The following EGFR variants were observed in gnomAD, a reference collection of about 807,000 sequenced individuals.
The protein encoded by EGFR is avian erythroblastic leukemia viral (v-erb-b) oncogene homolog.
A neutral mutation model predicts 143.0 loss-of-function variants in EGFR; 58 were observed. The ratio of observed to expected loss-of-function variants is 0.41; its 90% CI spans 0.33 to 0.50. EGFR has a LOEUF of 0.50. EGFR is among the 20% of genes least tolerant of loss of function. The pLI, the probability that EGFR is intolerant of heterozygous loss-of-function variation, is 0.39. For synonymous variants in EGFR, 613 were observed against 594.4 expected (o/e 1.03, Z -0.45); for missense variants, 1,307 against 1,579.0 (o/e 0.83, Z 2.92).
At chr7:55,187,112 A>G (rs845562) in intron 20 of EGFR, among the ~76,000 whole-genome samples, 130,482 of 152,182 alleles carry the variant, frequency 0.86, 56,298 homozygotes, top group African/African-American at 0.91. Flanking sequence ...CAGGGAGGAA[A>G]CCACCAGATA....
At position 55,192,643 on chromosome 7, in the gene EGFR, G is replaced by T. The variant is rs144690952; in HGVS notation, c.2626-123G>T. On this transcript the variant is annotated intron_variant, in intron 21 of 27. Transcript: ENST00000275493. ...GGAGGAGGCGCCGGGCCTGGGGGAC[G>T]GGTCCTGGGGTGATCTGGCTCGTCT... 6.9e-6 allele frequency: 6 copies of T among 866,326 alleles called. No homozygotes were observed. The Admixed American group carries it at 9.7e-5, about 14-fold the overall frequency. The allele number at this position is 866,326 out of a possible 1,614,324, so 53.7% of individuals were successfully genotyped here.
At chr7:55,125,398 T>C (rs1793464304) in intron 1 of EGFR, among the ~76,000 whole-genome samples, 1 of 138,622 alleles carries the variant, frequency 7.2e-6, no homozygotes. Flanking sequence ...TATGGCTAAC[T>C]CCATTTATCT....
At position 55,205,884 on chromosome 7, in the gene EGFR, A is replaced by C. The variant is rs1788089798; in HGVS notation, c.*267A>C. 1 of 527,704 alleles carries C rather than the reference A, an allele frequency of 1.9e-6. No homozygotes were observed. The highest frequency in any genetic ancestry group is 2.3e-5 in the South Asian group (1 of 42,676). 32.7% of individuals were successfully genotyped at this position (527,704 alleles called of 1,614,324 possible). On this transcript the variant is annotated 3_prime_UTR_variant, in exon 28 of 28. Coordinates refer to ENST00000275493, the MANE Select transcript of EGFR (RefSeq NM_005228.5). The stretch of plus-strand genomic sequence containing the variant: ...CCCTTTGAGCAGAAATTTATCTTTC[A>C]AAGAGGTATATTTGAAAAAAAAAAA...
At chr7:55,041,403 T>C (rs1787891847) in intron 1 of EGFR, among the ~76,000 whole-genome samples, 1 of 151,392 alleles carries the variant, frequency 6.6e-6, no homozygotes, top group South Asian at 2.1e-4. Context: ...AGAGCGACAC[T>C]CCATCGCAAA....
rs981079494 is a variant in EGFR at position 55,171,340 on chromosome 7, C to G, written c.1919+127C>G. Reference sequence around the variant, plus strand: ...TCAAGTTTCTATGGCTCTGGGCCAGCCTACCCTCAGCCAGGGTTTCTGCAG... The same window carrying G: ...TCAAGTTTCTATGGCTCTGGGCCAGGCTACCCTCAGCCAGGGTTTCTGCAG... On this transcript the variant is annotated intron_variant, in intron 16 of 27. Transcript: ENST00000275493. The G allele has an allele frequency of 4.4e-6, 6 of 1,349,600 alleles. No homozygotes were observed. The Admixed American group carries it at 9.1e-5, about 20-fold the overall frequency. 83.6% of individuals were successfully genotyped at this position (1,349,600 alleles called of 1,614,324 possible).
chr7:55,132,820 C>T (rs561657049), intron 1 of EGFR, among the ~76,000 whole-genome samples: 14 of 152,262 alleles, frequency 9.2e-5, no homozygotes, highest in Admixed American at 3.9e-4. Flanking sequence ...GCTACCTTCG[C>T]GCTACTTTAC....
chr7:55,073,948 C>T (rs959957771), intron 1 of EGFR, among the ~76,000 whole-genome samples: 1 of 152,228 alleles, frequency 6.6e-6, no homozygotes, highest in Non-Finnish European at 1.5e-5. Context: ...CATCTCTTCA[C>T]CTTTAGAATT....
chr7:55,019,239 T>C lies in EGFR; in HGVS notation c.-39T>C, dbSNP rs1301179514. The stretch of plus-strand genomic sequence containing the variant: ...ACGGCCCCCTGACTCCGTCCAGTAT[T>C]GATCGGGAGAGCCGGAGCGAGCTCT... On this transcript the variant is annotated 5_prime_UTR_variant, in exon 1 of 28. Coordinates refer to ENST00000275493, the MANE Select transcript of EGFR (RefSeq NM_005228.5). 1 of 1,442,524 alleles carries C rather than the reference T, an allele frequency of 6.9e-7. No homozygotes were observed. The highest frequency in any genetic ancestry group is 3.1e-5 in the East Asian group (1 of 32,638). 89.4% of individuals were successfully genotyped at this position (1,442,524 alleles called of 1,614,324 possible).
At chr7:55,177,062 C>T (rs981712326) in intron 19 of EGFR, among the ~76,000 whole-genome samples, 1 of 151,900 alleles carries the variant, frequency 6.6e-6, no homozygotes, top group African/African-American at 2.4e-5. Context: ...ATTTTATTTC[C>T]TTGCCCCATG....
At chr7:55,074,445 T>C (rs1327000763) in intron 1 of EGFR, among the ~76,000 whole-genome samples, 3 of 152,258 alleles carry the variant, frequency 2.0e-5, no homozygotes, top group South Asian at 4.1e-4. Context: ...CCTGGCCTGG[T>C]TTGTGAACAT....
At chr7:55,172,524 C>G (rs910182544) in intron 16 of EGFR, among the ~76,000 whole-genome samples, 2 of 152,198 alleles carry the variant, frequency 1.3e-5, no homozygotes, top group African/African-American at 2.4e-5. Flanking sequence ...CCAGAGGAGT[C>G]TCAGCATTGC....
chr7:55,169,728 T>G lies in EGFR; in HGVS notation c.1881-1447T>G, dbSNP rs573587202. ...CCCCTCGCCTTCTGACGCTCTCACATCCTTCTCTCCTGCAGCCCCGTCCTG... is the reference window on the plus strand; with the variant it reads ...CCCCTCGCCTTCTGACGCTCTCACAGCCTTCTCTCCTGCAGCCCCGTCCTG... On this transcript the variant is annotated intron_variant, in intron 15 of 27. Coordinates refer to ENST00000275493, the MANE Select transcript of EGFR (RefSeq NM_005228.5). Among the ~76,000 whole-genome samples, 3 of 152,248 alleles carry G rather than the reference T, an allele frequency of 2.0e-5. No individual in the cohort carries two copies. In the East Asian group the frequency reaches 5.8e-4, roughly 30 times the overall value.
intron 1 of EGFR, among the ~76,000 whole-genome samples, chr7:55,029,447 C>T (rs546207139): frequency 6.6e-6 from 1 of 152,092 alleles, no homozygotes; most frequent in African/African-American, 2.4e-5. Context: ...TCTTTCTCTT[C>T]CTCGCTCCTT....
chr7:55,096,897 T>C (rs1791505736), intron 1 of EGFR, among the ~76,000 whole-genome samples: 1 of 152,178 alleles, frequency 6.6e-6, no homozygotes, highest in Non-Finnish European at 1.5e-5. Context: ...ATACAGAGGC[T>C]AGCACATGTG....
At chr7:55,204,829 ACACACACAC>A (rs1788044509) in intron 27 of EGFR, among the ~76,000 whole-genome samples, 1 of 149,012 alleles carries the variant, frequency 6.7e-6, no homozygotes, top group Non-Finnish European at 1.5e-5. Flanking sequence ...ACACACACGT[ACACACACAC>A]CACACACACC....
intron 1 of EGFR, among the ~76,000 whole-genome samples, chr7:55,028,200 C>A (rs939902603): frequency 6.6e-6 from 1 of 151,838 alleles, no homozygotes. Flanking sequence ...GCAGTCCTAT[C>A]GTTTTACTTA....
chr7:55,140,959 C>G (rs1327005246), intron 1 of EGFR, among the ~76,000 whole-genome samples: 1 of 152,190 alleles, frequency 6.6e-6, no homozygotes, highest in Non-Finnish European at 1.5e-5. Flanking sequence ...AGAGGGCAGA[C>G]AGTCCAATGA....
At chr7:55,063,676 G>T (rs1446308100) in intron 1 of EGFR, among the ~76,000 whole-genome samples, 1 of 152,144 alleles carries the variant, frequency 6.6e-6, no homozygotes, top group African/African-American at 2.4e-5. Flanking sequence ...GACGTCATGG[G>T]CATGGACGTA....
chr7:55,031,584 TC>T (rs1486705690), intron 1 of EGFR, among the ~76,000 whole-genome samples: 1 of 152,226 alleles, frequency 6.6e-6, no homozygotes, highest in African/African-American at 2.4e-5. Context: ...AGTCCATCTT[TC>T]CTTATCACAT....
Sources: allele counts gnomAD v4.1 joint callset (sites outside exome capture counted in the v4.1 genomes callset), GRCh38; gene constraint gnomAD v4.1.1; transcripts MANE v1.5; gene names NCBI Gene and HGNC (gene_info 2026-07-23, HGNC 2026-07-21).